CCDC83: variants seen among roughly 807,000 people sequenced by gnomAD.
CCDC83 encodes coiled-coil domain-containing protein 83.
A neutral mutation model predicts 50.1 loss-of-function variants in CCDC83; 54 were observed. The ratio of observed to expected loss-of-function variants is 1.08; its 90% CI spans 0.87 to 1.35. CCDC83 has a LOEUF of 1.35. CCDC83 is among the 40% of genes most tolerant of loss of function. CCDC83 has a pLI of 0.00. For missense variants in CCDC83, 518 were observed against 473.9 expected (o/e 1.09, Z -0.86); for synonymous variants, 161 against 153.3 (o/e 1.05, Z -0.37).
chr11:85,916,321 T>C, intron 10 of CCDC83, 88 bp downstream of exon 10: 5 of 971,570 alleles, frequency 5.1e-6, no homozygotes, highest in Non-Finnish European at 8.1e-6. Flanking sequence ...ACCTAAAATA[T>C]GGATATTGAA....
At chr11:85,893,860 T>A (rs573793257) in intron 5 of CCDC83, among the ~76,000 whole-genome samples, 3 of 152,218 alleles carry the variant, frequency 2.0e-5, no homozygotes, top group Admixed American at 2.0e-4. Context: ...AGGACAGGGT[T>A]TTTTTCTGTC....
chr11:85,895,733 A>C (rs1330405732), intron 6 of CCDC83, among the ~76,000 whole-genome samples: 1 of 152,188 alleles, frequency 6.6e-6, no homozygotes, highest in African/African-American at 2.4e-5. Context: ...TAATACCAGT[A>C]TTTACCTTAA....
At chr11:85,918,441 A>G (rs2093492740) in intron 10 of CCDC83, among the ~76,000 whole-genome samples, 1 of 152,212 alleles carries the variant, frequency 6.6e-6, no homozygotes, top group South Asian at 2.1e-4. Context: ...AAAGGAATTA[A>G]AAAGCAAGAG....
At chr11:85,882,464 T>G (rs371713162) in intron 3 of CCDC83, 49 bp from the exon 4 acceptor site, 4 of 1,561,994 alleles carry the variant, frequency 2.6e-6, no homozygotes, top group African/African-American at 2.7e-5. Flanking sequence ...TGAGGAAACA[T>G]AGTGTACATA....
At chr11:85,892,202 G>A (rs148770153) in intron 5 of CCDC83, among the ~76,000 whole-genome samples, 3 of 152,298 alleles carry the variant, frequency 2.0e-5, no homozygotes, top group African/African-American at 7.2e-5. Flanking sequence ...TGCAGTGTGG[G>A]GTCAGCTTCT....
intron 9 of CCDC83, 146 bp downstream of exon 9, chr11:85,915,644 C>T: frequency 1.6e-6 from 1 of 608,672 alleles, no homozygotes; most frequent in South Asian, 2.1e-5. Context: ...AATTTCTCCT[C>T]TTGCAGTGCT....
In CCDC83 at chr11:85,919,682, A is replaced by C; in HGVS notation, c.*172A>C. 5.1e-6 allele frequency: 3 copies of C among 588,174 alleles called. No individual in the cohort carries two copies. The highest frequency in any genetic ancestry group is 8.8e-6 in the Non-Finnish European group (3 of 339,896). The allele number at this position is 588,174 out of a possible 1,614,324, so 36.4% of individuals were successfully genotyped here. A position where few individuals can be genotyped will look rare whatever the true frequency, so the allele number is the denominator to read the frequency against. ...GGTATTCAGCTATTCATTTACTTGC[A>C]TGGTATGAGTGACCAAAACGGAAGC... On this transcript the variant is annotated 3_prime_UTR_variant, in exon 11 of 11. Coordinates refer to ENST00000342404, the MANE Select transcript of CCDC83 (RefSeq NM_001286159.2).
chr11:85,880,585 A>AT (rs60894727), intron 3 of CCDC83, among the ~76,000 whole-genome samples: 32,004 of 150,060 alleles, frequency 0.21, 3,702 homozygotes, highest in Middle Eastern at 0.23. Context: ...CCAGATCTTG[A>AT]TTTTTTTTTT....
intron 5 of CCDC83, among the ~76,000 whole-genome samples, chr11:85,891,643 C>CA (rs1206019557): frequency 6.6e-6 from 1 of 152,138 alleles, no homozygotes; most frequent in Non-Finnish European, 1.5e-5. Flanking sequence ...AGACTCCGTA[C>CA]AAAAAAGTAA....
intron 7 of CCDC83, among the ~76,000 whole-genome samples, chr11:85,910,938 G>A (rs1363365977): frequency 9.9e-5 from 15 of 152,080 alleles, no homozygotes; most frequent in Admixed American, 4.6e-4. Context: ...TTGGGAGGCC[G>A]AGGCAGGCAG....
upstream of CCDC83, chr11:85,855,290 T>G (rs1401107481): frequency 6.5e-6 from 1 of 152,798 alleles, no homozygotes; most frequent in Non-Finnish European, 1.5e-5. Context: ...CTTTATAAGC[T>G]TCCCCCCGAC....
intron 7 of CCDC83, 136 bp downstream of exon 7, chr11:85,899,151 G>C: frequency 4.9e-6 from 3 of 616,380 alleles, no homozygotes; most frequent in Non-Finnish European, 2.9e-6. Flanking sequence ...TTCAAGTGGA[G>C]TCCTCATCTC....
chr11:85,915,429 C>A lies in CCDC83; in HGVS notation c.805C>A (p.Leu269Ile). 1.2e-6 allele frequency: 2 copies of A among 1,612,106 alleles called. No individual in the cohort carries two copies. The highest frequency in any genetic ancestry group is 1.1e-5 in the South Asian group (1 of 90,756). ...VDLKIPRRLY[L>I]TQAAGLEVPP... is the part of the protein sequence containing the mutation. ...CATTTGTTCTTTTAGGCGACTATAT[C>A]TTACCCAAGCTGCTGGACTAGAAGT... Residue 269 changes from leucine (L) to isoleucine (I), a missense_variant, in exon 9 of 11, where the codon CTT becomes ATT. By Grantham distance (5) the Leu-to-Ile change is conservative. Transcript: ENST00000342404.
At chr11:85,874,334 C>T (rs913114502) in intron 3 of CCDC83, among the ~76,000 whole-genome samples, 2 of 152,200 alleles carry the variant, frequency 1.3e-5, no homozygotes, top group Middle Eastern at 3.2e-3. Context: ...CCCATCGATG[C>T]ACCCATGCAC....
intron 7 of CCDC83, among the ~76,000 whole-genome samples, chr11:85,910,527 T>C (rs6592263): frequency 0.078 from 11,941 of 152,296 alleles, 587 homozygotes; most frequent in Middle Eastern, 0.14. Context: ...TATAGCATTT[T>C]CCCAGTGTTA....
At chr11:85,907,850 G>A (rs935568718) in intron 7 of CCDC83, among the ~76,000 whole-genome samples, 2 of 152,194 alleles carry the variant, frequency 1.3e-5, no homozygotes, top group African/African-American at 4.8e-5. Flanking sequence ...GCTTTCGAAA[G>A]AGACCAAGAA....
At chr11:85,857,961 G>A (rs1243315384) in intron 1 of CCDC83, among the ~76,000 whole-genome samples, 1 of 152,218 alleles carries the variant, frequency 6.6e-6, no homozygotes, top group African/African-American at 2.4e-5. Context: ...GAAGGATGAT[G>A]CCATCATTTG....
chr11:85,888,698 GT>G (rs1360775427), intron 5 of CCDC83, among the ~76,000 whole-genome samples: 5 of 151,932 alleles, frequency 3.3e-5, no homozygotes, highest in African/African-American at 1.2e-4. Flanking sequence ...AATTTTTATG[GT>G]TTTGTTTTTA....
At chr11:85,918,759 G>C (rs556809500) in intron 10 of CCDC83, among the ~76,000 whole-genome samples, 1 of 152,296 alleles carries the variant, frequency 6.6e-6, no homozygotes, top group African/African-American at 2.4e-5. Flanking sequence ...AAGTGGGCTG[G>C]AGGGGAAAGC....
Sources: allele counts gnomAD v4.1 joint callset (sites outside exome capture counted in the v4.1 genomes callset), GRCh38; gene constraint gnomAD v4.1.1; transcripts MANE v1.5; gene names NCBI Gene and HGNC (gene_info 2026-07-23, HGNC 2026-07-21).